WNK1: variants seen among roughly 807,000 people sequenced by gnomAD.
The protein encoded by WNK1 is WNK lysine deficient protein kinase 1.
WNK1 carries 38 observed loss-of-function variants against 222.8 expected under a neutral mutation model. The observed-to-expected ratio is 0.17, with a 90% CI of 0.13 to 0.22. The LOEUF (loss-of-function observed/expected upper bound fraction) is 0.22, where lower values mean the gene tolerates loss of function less well. Among genes scored for constraint, WNK1 ranks in the 10% least tolerant of loss-of-function variants. WNK1 has a pLI of 1.00. For missense variants in WNK1, 2,348 were observed against 2,918.4 expected (o/e 0.80, Z 4.50); for synonymous variants, 1,090 against 1,092.9 (o/e 1.00, Z 0.05).
intron 1 of WNK1, among the ~76,000 whole-genome samples, chr12:773,191 G>A (rs777905476): frequency 5.5e-4 from 84 of 152,270 alleles, no homozygotes; most frequent in Non-Finnish European, 1.0e-3. Flanking sequence ...CCGGGAGGCG[G>A]AGGTTGCGGT....
chr12:830,924 G>T (rs1390645534), intron 4 of WNK1, among the ~76,000 whole-genome samples: 1 of 152,136 alleles, frequency 6.6e-6, no homozygotes, highest in African/African-American at 2.4e-5. Flanking sequence ...ATATTTTATT[G>T]TTGTAGTTCT....
At chr12:879,473 C>CT in intron 10 of WNK1, 100 bp from the exon 11 acceptor site, 6 of 558,700 alleles carry the variant, frequency 1.1e-5, no homozygotes, top group East Asian at 4.5e-5. Context: ...TTTTTTCCTT[C>CT]TTTTTGGCTA....
At chr12:826,380 A>G (rs937389380) in intron 2 of WNK1, among the ~76,000 whole-genome samples, 4 of 152,202 alleles carry the variant, frequency 2.6e-5, no homozygotes, top group African/African-American at 9.6e-5. Flanking sequence ...GGTCATTCCA[A>G]ACTCAGTCGC....
intron 1 of WNK1, among the ~76,000 whole-genome samples, chr12:776,578 G>C (rs574714935): frequency 6.6e-6 from 1 of 151,852 alleles, no homozygotes; most frequent in Non-Finnish European, 1.5e-5. Flanking sequence ...CTACAGGTGC[G>C]TGCCACCGTG....
intron 1 of WNK1, among the ~76,000 whole-genome samples, chr12:782,469 A>G (rs115185901): frequency 2.0e-3 from 305 of 152,260 alleles, no homozygotes; most frequent in African/African-American, 6.7e-3. Flanking sequence ...ATAACATTGG[A>G]TATATTACTC....
At chr12:861,657 C>A (rs1470369262) in intron 7 of WNK1, among the ~76,000 whole-genome samples, 1 of 152,150 alleles carries the variant, frequency 6.6e-6, no homozygotes, top group Non-Finnish European at 1.5e-5. Flanking sequence ...GAAGAATGAA[C>A]AAGCTTGGCT....
chr12:908,861 G>GGGGGGGGGGCC lies in WNK1; in HGVS notation c.*69_*70insGGGGGGGGGCC. The GGGGGGGGGGCC allele has an allele frequency of 1.8e-5, 9 of 491,832 alleles. No homozygotes were observed. Among genetic ancestry groups the GGGGGGGGGGCC allele is most frequent in the East Asian group, 6.0e-5 (1 of 16,746 alleles). The allele number at this position is 491,832 out of a possible 1,614,324, so 30.5% of individuals were successfully genotyped here. A position where few individuals can be genotyped will look rare whatever the true frequency, so the allele number is the denominator to read the frequency against. On this transcript the variant is annotated 3_prime_UTR_variant, in exon 28 of 28. Coordinates refer to ENST00000315939, the MANE Select transcript of WNK1 (RefSeq NM_018979.4). ...ATGCTGAGGGGGTGGGTGGGGGTGG[G>GGGGGGGGGGCC]AAGTAGCCTATATACTAACTACTAG...
intron 9 of WNK1, among the ~76,000 whole-genome samples, chr12:876,258 A>C (rs1952599381): frequency 6.6e-6 from 1 of 152,084 alleles, no homozygotes; most frequent in Non-Finnish European, 1.5e-5. Context: ...AAACACAAAA[A>C]ATTAGCCGGG....
chr12:769,558 T>A (rs1158504071), intron 1 of WNK1, among the ~76,000 whole-genome samples: 1 of 152,168 alleles, frequency 6.6e-6, no homozygotes, highest in African/African-American at 2.4e-5. Context: ...CATCCTTACT[T>A]TCTGTAGAAG....
At chr12:789,175 A>G (rs190357013) in intron 1 of WNK1, among the ~76,000 whole-genome samples, 1 of 152,220 alleles carries the variant, frequency 6.6e-6, no homozygotes, top group Admixed American at 6.5e-5. Context: ...ATTTTCAGAG[A>G]AAGTAGTTGT....
chr12:856,659 T>C (rs1234677779), intron 4 of WNK1, among the ~76,000 whole-genome samples: 1 of 152,170 alleles, frequency 6.6e-6, no homozygotes, highest in African/African-American at 2.4e-5. Flanking sequence ...TCTTCAGTTA[T>C]CATACCAAAA....
At chr12:883,883 C>T (rs747078085) in intron 17 of WNK1, 52 bp downstream of exon 17, 3 of 1,601,638 alleles carry the variant, frequency 1.9e-6, no homozygotes, top group South Asian at 2.2e-5. Context: ...AAGCCATTAG[C>T]CGAGGGTGGT....
intron 1 of WNK1, among the ~76,000 whole-genome samples, chr12:794,664 A>G (rs1233557550): frequency 6.6e-6 from 1 of 152,092 alleles, no homozygotes; most frequent in Non-Finnish European, 1.5e-5. Context: ...ATGGGAAATA[A>G]TCCTTTTTAG....
In WNK1 at chr12:883,032, C is replaced by T. The variant is rs1320083649; in HGVS notation, c.3462C>T (p.Asp1154=). 1 of 1,612,946 alleles carries T rather than the reference C, an allele frequency of 6.2e-7. No individual in the cohort carries two copies. The highest frequency in any genetic ancestry group is 8.5e-7 in the Non-Finnish European group (1 of 1,178,962). Reference sequence around the variant, plus strand: ...CATTCAAATTTGACCTAGATGGTGACAACCCCGAGGAGATAGCAACAATTA... The same window carrying T: ...CATTCAAATTTGACCTAGATGGTGATAACCCCGAGGAGATAGCAACAATTA... ...MVTFKFDLDG[D]NPEEIATIMV... Residue 1154 remains aspartate, a synonymous_variant, in exon 15 of 28, where the codon GAC becomes GAT. Coordinates refer to ENST00000315939, the MANE Select transcript of WNK1 (RefSeq NM_018979.4).
At chr12:908,300 C>T in intron 27 of WNK1, 175 bp from the exon 28 acceptor site, 1 of 778,946 alleles carries the variant, frequency 1.3e-6, no homozygotes. Context: ...ACATGACATC[C>T]CTCCCTCTCA....
chr12:756,126 A>G (rs914848873), intron 1 of WNK1, among the ~76,000 whole-genome samples: 5 of 152,216 alleles, frequency 3.3e-5, no homozygotes, highest in Non-Finnish European at 5.9e-5. Context: ...ATAGTTTTAT[A>G]TTTGAATAGG....
intron 26 of WNK1, among the ~76,000 whole-genome samples, chr12:901,832 TAAC>T (rs1403452103): frequency 1.3e-5 from 2 of 152,178 alleles, no homozygotes; most frequent in Admixed American, 6.5e-5. Flanking sequence ...AATGTCAAAA[TAAC>T]AAGTTATCTA....
intron 1 of WNK1, among the ~76,000 whole-genome samples, chr12:806,489 G>T (rs1018416330): frequency 4.6e-5 from 7 of 152,172 alleles, no homozygotes; most frequent in Non-Finnish European, 7.3e-5. Context: ...AGCAAAGTTG[G>T]TTAATTATGC....
chr12:754,032 TC>T lies in WNK1; in HGVS notation c.471del (p.Ser158AlafsTer100). ...GTCGCGGGCCCTGCCCCCTCGACTG[TC>T]CCCAGCAGTACCAGCAAAGACCGCC... ...QAVAGPAPST[V>X]PSSTSKDRPV... On this transcript the variant is annotated frameshift_variant, in exon 1 of 28. Coordinates refer to ENST00000315939, the MANE Select transcript of WNK1 (RefSeq NM_018979.4). LOFTEE classifies it high-confidence loss of function. 6.3e-7 allele frequency: 1 copy of T among 1,591,916 alleles called. No individual in the cohort carries two copies. The highest frequency in any genetic ancestry group is 8.5e-7 in the Non-Finnish European group (1 of 1,169,592).
Sources: gnomAD v4.1 joint callset for allele counts (sites outside exome capture counted in the v4.1 genomes callset) on GRCh38, gnomAD v4.1.1 for gene constraint, MANE v1.5 for transcripts, NCBI Gene and HGNC (gene_info 2026-07-23, HGNC 2026-07-21) for gene names.